The following EEIG1 variants were observed in gnomAD, a reference collection of about 807,000 sequenced individuals.
EEIG1 encodes the protein early estrogen-induced gene 1 protein.
chr9:127,964,812 T>C, the EEIG1 span, among the ~76,000 whole-genome samples: 1 of 151,842 alleles, frequency 6.6e-6, no homozygotes, highest in East Asian at 2.0e-4. Flanking sequence ...GATAAAAATA[T>C]CCCTGGCAGC....
At chr9:127,956,218 T>C in the EEIG1 span, among the ~76,000 whole-genome samples, 14,419 of 152,264 alleles carry the variant, frequency 0.095, 723 homozygotes, top group Non-Finnish European at 0.1. Flanking sequence ...CACCAGTGTG[T>C]GCCAGGCCCT....
At chr9:127,979,260 T>C in the EEIG1 span, among the ~76,000 whole-genome samples, 1 of 152,206 alleles carries the variant, frequency 6.6e-6, no homozygotes, top group African/African-American at 2.4e-5. Context: ...TCTGTAGAAG[T>C]CCAAGGCTCT....
the EEIG1 span, among the ~76,000 whole-genome samples, chr9:127,960,141 G>A: frequency 1.3e-4 from 20 of 152,222 alleles, no homozygotes; most frequent in African/African-American, 4.3e-4. Context: ...CAGGTGGGGG[G>A]TTAGGGATGG....
the EEIG1 span, chr9:127,945,772 CA>C: frequency 3.3e-6 from 5 of 1,526,122 alleles, no homozygotes; most frequent in Non-Finnish European, 4.4e-6. The surrounding 1 kb of genome is among the most constrained non-coding windows in gnomAD (Gnocchi z 6.5). Context: ...CAGGAAGGGG[CA>C]GGGGGTGAGG....
the EEIG1 span, among the ~76,000 whole-genome samples, chr9:127,949,707 T>C: frequency 2.0e-5 from 3 of 152,202 alleles, no homozygotes; most frequent in Admixed American, 1.3e-4. Context: ...CCAGATACCA[T>C]AGGCTCTCCC....
At chr9:127,974,029 G>A in the EEIG1 span, among the ~76,000 whole-genome samples, 29 of 152,268 alleles carry the variant, frequency 1.9e-4, no homozygotes, top group East Asian at 1.7e-3. Context: ...AATGACTGGC[G>A]CACTGCAGGG....
At chr9:127,973,296 A>C in the EEIG1 span, among the ~76,000 whole-genome samples, 5 of 152,120 alleles carry the variant, frequency 3.3e-5, no homozygotes, top group African/African-American at 1.2e-4. This position sits in a 1 kb window ranked among gnomAD's most constrained non-coding sequence, Gnocchi z 4.2. Flanking sequence ...TCCCAAATGC[A>C]AGTCAGGACT....
chr9:127,957,909 A>T, the EEIG1 span, among the ~76,000 whole-genome samples: 2 of 152,374 alleles, frequency 1.3e-5, no homozygotes, highest in African/African-American at 2.4e-5. Flanking sequence ...GCTACTTGGG[A>T]GGCTGAGGCA....
the EEIG1 span, chr9:127,979,891 T>A: frequency 7.3e-7 from 1 of 1,377,672 alleles, no homozygotes; most frequent in South Asian, 1.5e-5. Context: ...ATCCCCCGGA[T>A]CCTCCTCACA....
the EEIG1 span, among the ~76,000 whole-genome samples, chr9:127,965,523 G>A: frequency 5.3e-5 from 8 of 152,074 alleles, no homozygotes; most frequent in Admixed American, 2.0e-4. Flanking sequence ...CCCAGAACAG[G>A]GCCCCATCAC....
At chr9:127,970,478 C>T in the EEIG1 span, among the ~76,000 whole-genome samples, 1 of 152,196 alleles carries the variant, frequency 6.6e-6, no homozygotes, top group Non-Finnish European at 1.5e-5. Flanking sequence ...CAGACTGCTT[C>T]CTGCTGTGAG....
At chr9:127,975,762 G>A in the EEIG1 span, among the ~76,000 whole-genome samples, 1 of 152,088 alleles carries the variant, frequency 6.6e-6, no homozygotes, top group South Asian at 2.1e-4. Flanking sequence ...GGCAGACACA[G>A]GACTGGTGCC....
chr9:127,977,178 A>G, the EEIG1 span, among the ~76,000 whole-genome samples: 1 of 152,202 alleles, frequency 6.6e-6, no homozygotes, highest in East Asian at 1.9e-4. Context: ...CTAACTGCCC[A>G]GCTTTGCGAG....
chr9:127,941,694 G>C, the EEIG1 span: 1 of 152,154 alleles, frequency 6.6e-6, no homozygotes, highest in African/African-American at 2.4e-5. Flanking sequence ...CCAGCCTGGG[G>C]AGGGCACCTG....
chr9:127,951,003 C>A, the EEIG1 span, among the ~76,000 whole-genome samples: 1 of 152,118 alleles, frequency 6.6e-6, no homozygotes, highest in South Asian at 2.1e-4. Flanking sequence ...TGAGCAGGAG[C>A]CCCAGGGAAG....
the EEIG1 span, among the ~76,000 whole-genome samples, chr9:127,950,889 C>G: frequency 6.6e-6 from 1 of 152,164 alleles, no homozygotes; most frequent in East Asian, 1.9e-4. Flanking sequence ...TCGGGAGCTG[C>G]CGGGTCAGCA....
chr9:127,950,269 G>A, the EEIG1 span, among the ~76,000 whole-genome samples: 1 of 152,202 alleles, frequency 6.6e-6, no homozygotes, highest in Non-Finnish European at 1.5e-5. Context: ...CTCTGATAGT[G>A]GTTTCCTGAT....
the EEIG1 span, chr9:127,945,342 G>C: frequency 2.6e-6 from 4 of 1,546,082 alleles, no homozygotes; most frequent in Non-Finnish European, 3.5e-6. This position sits in a 1 kb window ranked among gnomAD's most constrained non-coding sequence, Gnocchi z 6.5. Flanking sequence ...CTGTTCTCCA[G>C]GGGGCACCAA....
At chr9:127,948,391 G>A in the EEIG1 span, 732 of 1,614,158 alleles carry the variant, frequency 4.5e-4, 5 homozygotes, top group East Asian at 7.8e-3. Context: ...GATCTCCAGA[G>A]AGCAGGAACA....
Sources: gnomAD v4.1 joint callset for allele counts (sites outside exome capture counted in the v4.1 genomes callset) on GRCh38, gnomAD v4.1.1 for gene constraint, Gnocchi (gnomAD v3.1) non-coding constraint, MANE v1.5 for transcripts, NCBI Gene and HGNC (gene_info 2026-07-23, HGNC 2026-07-21) for gene names.